Variants in CDC42BPA observed in about 807,000 individuals in gnomAD.
The protein encoded by CDC42BPA is serine/threonine-protein kinase MRCK alpha.
A neutral mutation model predicts 223.5 loss-of-function variants in CDC42BPA; 80 were observed. The observed-to-expected ratio is 0.36, with a 90% CI of 0.30 to 0.43. The LOEUF (loss-of-function observed/expected upper bound fraction) is 0.43. CDC42BPA is among the 20% of genes least tolerant of loss of function. The pLI is 1.00. For missense variants in CDC42BPA, 1,743 were observed against 2,099.9 expected, an observed-to-expected ratio of 0.83 and a Z score of 3.32; for synonymous variants, 694 against 718.6, an observed-to-expected ratio of 0.97 and a Z score of 0.55.
At chr1:227,276,781 C>A (rs945661164) in intron 1 of CDC42BPA, among the ~76,000 whole-genome samples, 1 of 152,182 alleles carries the variant, frequency 6.6e-6, no homozygotes, top group Non-Finnish European at 1.5e-5. Context: ...TTACCCCCAA[C>A]CCTGTGCTCT....
At chr1:227,171,445 T>C (rs1666083446) in intron 5 of CDC42BPA, among the ~76,000 whole-genome samples, 1 of 152,128 alleles carries the variant, frequency 6.6e-6, no homozygotes, top group Admixed American at 6.6e-5. Context: ...ACCTCATCGC[T>C]ACAAAAACTA....
chr1:227,102,092 C>T (rs990984554), intron 14 of CDC42BPA, among the ~76,000 whole-genome samples: 2 of 152,026 alleles, frequency 1.3e-5, no homozygotes, highest in African/African-American at 2.4e-5. Context: ...AGTTTAGGGA[C>T]AACAAAGAAT....
At chr1:227,117,744 A>C (rs951438306) in intron 12 of CDC42BPA, among the ~76,000 whole-genome samples, 4 of 152,030 alleles carry the variant, frequency 2.6e-5, no homozygotes, top group African/African-American at 9.7e-5. Context: ...GATTTTTTAT[A>C]CAAGACAGCA....
chr1:227,193,957 GTACTCAGTAAAC>G, intron 4 of CDC42BPA, 23 bp from the exon 5 acceptor site: 2 of 1,572,472 alleles, frequency 1.3e-6, no homozygotes, highest in Non-Finnish European at 1.7e-6. Context: ...AAAATAAAAT[GTACTCAGTAAAC>G]TAATAAGGGT....
chr1:227,052,352 G>A (rs1031486469), intron 21 of CDC42BPA, among the ~76,000 whole-genome samples: 41 of 152,100 alleles, frequency 2.7e-4, no homozygotes, highest in Middle Eastern at 3.4e-3. Flanking sequence ...AGATACATAC[G>A]GCAGATTAAA....
chr1:227,048,449 T>C (rs1443009958), intron 22 of CDC42BPA, among the ~76,000 whole-genome samples: 1 of 151,948 alleles, frequency 6.6e-6, no homozygotes, highest in Admixed American at 6.6e-5. Context: ...ATATATTACA[T>C]ATATAGAACA....
chr1:227,092,708 C>A (rs546849868), intron 15 of CDC42BPA, among the ~76,000 whole-genome samples: 20 of 152,028 alleles, frequency 1.3e-4, no homozygotes, highest in Non-Finnish European at 2.5e-4. Flanking sequence ...AAATTTACTT[C>A]GAAATAATTT....
chr1:227,225,722 CA>C (rs1412402282), intron 2 of CDC42BPA, among the ~76,000 whole-genome samples: 1 of 152,086 alleles, frequency 6.6e-6, no homozygotes, highest in African/African-American at 2.4e-5. Flanking sequence ...CACTGATTTC[CA>C]AATATGGGAT....
At chr1:227,168,495 G>GTGTTTTTTTTTTTTGTTTTTT (rs1558662704) in intron 5 of CDC42BPA, among the ~76,000 whole-genome samples, 1 of 15,732 alleles carries the variant, frequency 6.4e-5, no homozygotes, top group Non-Finnish European at 1.7e-4. Context: ...ATCTTCCCTG[G>GTGTTTTTTTTTTTTGTTTTTT]TGTTTTTTTT....
At chr1:227,120,034 T>G in intron 11 of CDC42BPA, 97 bp from the exon 12 acceptor site, 6 of 856,550 alleles carry the variant, frequency 7.0e-6, no homozygotes, top group East Asian at 2.7e-5. Context: ...AATTGGTATT[T>G]TCAATTTAGT....
In CDC42BPA at chr1:227,078,627, G is replaced by T. The variant is rs189739135; in HGVS notation, c.2480+2266C>A. On this transcript the variant is annotated intron_variant, in intron 17 of 36. Transcript: ENST00000366766. ...TCCTTGCTCTAAAAGAGTTTCTGAT[G>T]AAAGGGATATTTCATAGCAAAAGAG... Among the ~76,000 whole-genome samples, 285 of 152,116 alleles carry T rather than the reference G, an allele frequency of 1.9e-3. 1 individual carries two copies. The highest frequency in any genetic ancestry group is 6.7e-3 in the African/African-American group (277 of 41,548).
intron 2 of CDC42BPA, among the ~76,000 whole-genome samples, chr1:227,227,459 A>G (rs761787971): frequency 6.6e-6 from 1 of 152,226 alleles, no homozygotes; most frequent in Non-Finnish European, 1.5e-5. Flanking sequence ...TGAAAAAACA[A>G]AAACTTCAAC....
chr1:227,207,711 C>T (rs1216835162), intron 3 of CDC42BPA, among the ~76,000 whole-genome samples: 1 of 149,932 alleles, frequency 6.7e-6, no homozygotes, highest in Non-Finnish European at 1.5e-5. Flanking sequence ...TTTTTTATGG[C>T]TGCATAGTAT....
At chr1:227,292,395 G>A (rs890843842) in intron 1 of CDC42BPA, among the ~76,000 whole-genome samples, 5 of 152,008 alleles carry the variant, frequency 3.3e-5, no homozygotes, top group Non-Finnish European at 4.4e-5. Context: ...AGACATAAGC[G>A]TTTCCATATT....
intron 21 of CDC42BPA, among the ~76,000 whole-genome samples, chr1:227,065,929 C>G (rs1344795925): frequency 6.6e-6 from 1 of 152,106 alleles, no homozygotes; most frequent in Non-Finnish European, 1.5e-5. Context: ...AACTTTAGGT[C>G]TTCAACATAA....
intron 1 of CDC42BPA, among the ~76,000 whole-genome samples, chr1:227,283,582 T>C (rs951795891): frequency 6.6e-6 from 1 of 151,952 alleles, no homozygotes; most frequent in South Asian, 2.1e-4. Context: ...AGGGTACATA[T>C]GGAGATAAAA....
intron 2 of CDC42BPA, among the ~76,000 whole-genome samples, chr1:227,246,821 T>A (rs1259753552): frequency 1.3e-5 from 2 of 152,148 alleles, no homozygotes; most frequent in African/African-American, 4.8e-5. Context: ...CCAAAAAACC[T>A]GACCTCACCA....
At chr1:227,141,278 G>A (rs1659617236) in intron 9 of CDC42BPA, among the ~76,000 whole-genome samples, 2 of 152,150 alleles carry the variant, frequency 1.3e-5, no homozygotes, top group Non-Finnish European at 2.9e-5. Context: ...TTTCTATAAT[G>A]TAAAGCAGAG....
chr1:227,058,218 T>C (rs1284032443), intron 21 of CDC42BPA, among the ~76,000 whole-genome samples: 1 of 152,238 alleles, frequency 6.6e-6, no homozygotes, highest in Non-Finnish European at 1.5e-5. Flanking sequence ...CTGGCCATAG[T>C]ACAGGTATCT....
Sources: gnomAD v4.1 joint callset for allele counts (sites outside exome capture counted in the v4.1 genomes callset) on GRCh38, gnomAD v4.1.1 for gene constraint, MANE v1.5 for transcripts, NCBI Gene and HGNC (gene_info 2026-07-23, HGNC 2026-07-21) for gene names.